Variants in RSRC1 observed in about 807,000 individuals in gnomAD.
RSRC1 encodes the protein serine/Arginine-related protein 53.
A neutral mutation model predicts 49.1 loss-of-function variants in RSRC1; 39 were observed. The observed-to-expected ratio is 0.79, with a 90% CI of 0.61 to 1.04. The LOEUF (loss-of-function observed/expected upper bound fraction) is 1.04, where lower values mean the gene tolerates loss of function less well. RSRC1 is among the 50% of genes least tolerant of loss of function. RSRC1 has a pLI of 0.00. For missense variants in RSRC1, 388 were observed against 402.4 expected, an observed-to-expected ratio of 0.96 and a Z score of 0.31; for synonymous variants, 143 against 130.8, an observed-to-expected ratio of 1.09 and a Z score of -0.63.
At chr3:158,206,182 T>C (rs1721335301) in intron 4 of RSRC1, among the ~76,000 whole-genome samples, 1 of 152,206 alleles carries the variant, frequency 6.6e-6, no homozygotes, top group South Asian at 2.1e-4. Context: ...GAGGCTGTTT[T>C]TATACTTCTC....
At chr3:158,462,726 G>C (rs1369915680) in intron 7 of RSRC1, among the ~76,000 whole-genome samples, 1 of 151,856 alleles carries the variant, frequency 6.6e-6, no homozygotes, top group Non-Finnish European at 1.5e-5. Flanking sequence ...CATCTTTTAA[G>C]ACATTTGCTT....
chr3:158,459,430 A>G (rs1372705698), intron 6 of RSRC1, among the ~76,000 whole-genome samples: 3 of 152,126 alleles, frequency 2.0e-5, no homozygotes, highest in Admixed American at 2.0e-4. Context: ...TGTTTGCATT[A>G]TTAAATTTCA....
intron 6 of RSRC1, among the ~76,000 whole-genome samples, chr3:158,443,669 A>T (rs565228108): frequency 4.3e-4 from 66 of 152,268 alleles, no homozygotes; most frequent in African/African-American, 1.5e-3. Flanking sequence ...CTTGAGTAGC[A>T]CTTTTAATTT....
chr3:158,526,603 A>G (rs558583124), intron 7 of RSRC1, among the ~76,000 whole-genome samples: 2 of 151,916 alleles, frequency 1.3e-5, no homozygotes, highest in Non-Finnish European at 2.9e-5. Flanking sequence ...AATCTCCAAC[A>G]CCTAGCCTAG....
intron 6 of RSRC1, among the ~76,000 whole-genome samples, chr3:158,458,702 T>A (rs964993907): frequency 3.3e-5 from 5 of 152,132 alleles, no homozygotes; most frequent in African/African-American, 7.2e-5. Flanking sequence ...CATGAATCAT[T>A]AGAGCAGGTC....
intron 4 of RSRC1, among the ~76,000 whole-genome samples, chr3:158,219,215 T>G (rs1722107329): frequency 6.6e-6 from 1 of 151,594 alleles, no homozygotes; most frequent in South Asian, 2.1e-4. Flanking sequence ...AGTAATTACC[T>G]TTTTATTGTT....
At chr3:158,512,654 A>G (rs1740256732) in intron 7 of RSRC1, among the ~76,000 whole-genome samples, 1 of 150,136 alleles carries the variant, frequency 6.7e-6, no homozygotes, top group African/African-American at 2.4e-5. Flanking sequence ...CTGTGAAGAA[A>G]CTCATTGGTA....
At chr3:158,430,183 A>G (rs576197407) in intron 6 of RSRC1, among the ~76,000 whole-genome samples, 5 of 152,016 alleles carry the variant, frequency 3.3e-5, no homozygotes, top group Admixed American at 3.3e-4. Flanking sequence ...TGTAGTAGCA[A>G]TAGCAGTGAC....
chr3:158,427,918 C>CT (rs1735549096), intron 6 of RSRC1, among the ~76,000 whole-genome samples: 1 of 151,630 alleles, frequency 6.6e-6, no homozygotes, highest in African/African-American at 2.4e-5. Flanking sequence ...TTCATGCATA[C>CT]TTTTTTCATT....
chr3:158,125,217 C>T (rs1397658175), intron 3 of RSRC1, among the ~76,000 whole-genome samples: 1 of 151,874 alleles, frequency 6.6e-6, no homozygotes, highest in African/African-American at 2.4e-5. Context: ...TTTCTGTTCT[C>T]TATTTTATTT....
At chr3:158,351,482 C>A (rs752117656) in intron 5 of RSRC1, among the ~76,000 whole-genome samples, 3 of 152,116 alleles carry the variant, frequency 2.0e-5, no homozygotes, top group Non-Finnish European at 2.9e-5. Context: ...CAGTATATCC[C>A]CATAGTTGGA....
intron 5 of RSRC1, among the ~76,000 whole-genome samples, chr3:158,328,868 G>A (rs1049813590): frequency 3.3e-5 from 5 of 152,184 alleles, no homozygotes; most frequent in Non-Finnish European, 5.9e-5. Context: ...TCACTTTCAG[G>A]TACACCAATC....
At chr3:158,394,712 T>C (rs1733514156) in intron 6 of RSRC1, among the ~76,000 whole-genome samples, 1 of 152,120 alleles carries the variant, frequency 6.6e-6, no homozygotes, top group Non-Finnish European at 1.5e-5. Flanking sequence ...TGGAAGAACA[T>C]TCCATGCTCA....
intron 5 of RSRC1, among the ~76,000 whole-genome samples, chr3:158,301,645 T>C (rs559461168): frequency 6.6e-6 from 1 of 152,306 alleles, no homozygotes; most frequent in East Asian, 1.9e-4. Context: ...ACAAGCATAC[T>C]TTGAGTAAAA....
chr3:158,204,508 A>G (rs1352916270), intron 4 of RSRC1, among the ~76,000 whole-genome samples: 1 of 152,164 alleles, frequency 6.6e-6, no homozygotes, highest in Non-Finnish European at 1.5e-5. Context: ...ACCTGTCTGT[A>G]AAGGTGGGGA....
At chr3:158,471,636 A>C (rs950113860) in intron 7 of RSRC1, among the ~76,000 whole-genome samples, 1 of 152,194 alleles carries the variant, frequency 6.6e-6, no homozygotes, top group African/African-American at 2.4e-5. Flanking sequence ...CATACAACTC[A>C]GATGCCTACC....
chr3:158,232,875 G>GT (rs1451920548), intron 4 of RSRC1, among the ~76,000 whole-genome samples: 14 of 152,184 alleles, frequency 9.2e-5, no homozygotes, highest in African/African-American at 2.9e-4. Flanking sequence ...TATATGACAT[G>GT]TTTTTACTAC....
intron 6 of RSRC1, among the ~76,000 whole-genome samples, chr3:158,405,593 T>C (rs756338606): frequency 4.6e-5 from 7 of 152,126 alleles, no homozygotes; most frequent in Non-Finnish European, 7.4e-5. Context: ...ACTGGTGTCA[T>C]GGGTAAGGCT....
In RSRC1 at chr3:158,395,687, G is replaced by A. The variant is rs144856844; in HGVS notation, c.583+40779G>A. Among the ~76,000 whole-genome samples the A allele has an allele frequency of 4.9e-3, 742 of 152,198 alleles. 7 individuals are homozygous for A. Among genetic ancestry groups the A allele is most frequent in the Non-Finnish European group, 8.0e-3 (541 of 67,988 alleles). ...CGAATTTAAAAAATAACAGGTCCTG[G>A]CAAGGTTGTGGAGAAAAGGAATGCT... is the stretch of plus-strand genomic sequence containing the variant. On this transcript the variant is annotated intron_variant, in intron 6 of 9. Transcript: ENST00000611884.
Sources: gnomAD v4.1 joint callset for allele counts (sites outside exome capture counted in the v4.1 genomes callset) on GRCh38, gnomAD v4.1.1 for gene constraint, MANE v1.5 for transcripts, NCBI Gene and HGNC (gene_info 2026-07-23, HGNC 2026-07-21) for gene names.